The following ENTREP2 variants were observed in gnomAD, a reference collection of about 807,000 sequenced individuals.
ENTREP2 encodes the protein protein ENTREP2.
the ENTREP2 span, among the ~76,000 whole-genome samples, chr15:29,363,826 C>G: frequency 3.9e-5 from 6 of 152,274 alleles, no homozygotes; most frequent in East Asian, 1.2e-3. Context: ...GCTGGTTTCT[C>G]TAATAGGGCT....
chr15:29,602,253 T>C, the ENTREP2 span, among the ~76,000 whole-genome samples: 1 of 152,180 alleles, frequency 6.6e-6, no homozygotes, highest in Admixed American at 6.5e-5. Context: ...TACAGTACCT[T>C]GTGTATGAAA....
At chr15:29,359,452 C>G in the ENTREP2 span, among the ~76,000 whole-genome samples, 2 of 152,148 alleles carry the variant, frequency 1.3e-5, no homozygotes, top group African/African-American at 2.4e-5. Flanking sequence ...TTGCTCTGTC[C>G]CCCAGGCTGG....
At chr15:29,279,141 G>A in the ENTREP2 span, among the ~76,000 whole-genome samples, 3 of 152,280 alleles carry the variant, frequency 2.0e-5, no homozygotes, top group Non-Finnish European at 4.4e-5. Flanking sequence ...GTAAGTCTGA[G>A]GTTGAGTCTT....
At chr15:29,294,941 A>G in the ENTREP2 span, among the ~76,000 whole-genome samples, 1 of 152,182 alleles carries the variant, frequency 6.6e-6, no homozygotes, top group Non-Finnish European at 1.5e-5. Flanking sequence ...CCAAGCCGCC[A>G]GTCTCCTGCT....
At chr15:29,658,130 G>T in the ENTREP2 span, among the ~76,000 whole-genome samples, 1 of 152,078 alleles carries the variant, frequency 6.6e-6, no homozygotes. Context: ...ACATGTCTTG[G>T]GGGGGACCAG....
chr15:29,662,964 C>T, the ENTREP2 span, among the ~76,000 whole-genome samples: 201 of 151,948 alleles, frequency 1.3e-3, no homozygotes, highest in Non-Finnish European at 2.0e-3. Flanking sequence ...CCGCCCGCCT[C>T]GGCCTCCCAA....
the ENTREP2 span, among the ~76,000 whole-genome samples, chr15:29,589,699 T>C: frequency 6.6e-6 from 1 of 152,194 alleles, no homozygotes; most frequent in African/African-American, 2.4e-5. Flanking sequence ...GTCAACTCTA[T>C]TCCTTCCAGA....
chr15:29,316,621 C>G, the ENTREP2 span, among the ~76,000 whole-genome samples: 13,504 of 152,158 alleles, frequency 0.089, 1,983 homozygotes, highest in African/African-American at 0.31. Flanking sequence ...GTACTGATGA[C>G]GCAAGAATGT....
At chr15:29,410,471 C>T in the ENTREP2 span, among the ~76,000 whole-genome samples, 20 of 151,840 alleles carry the variant, frequency 1.3e-4, no homozygotes, top group African/African-American at 4.8e-4. Flanking sequence ...CGACGGGTCT[C>T]GGGGAGGCAA....
the ENTREP2 span, among the ~76,000 whole-genome samples, chr15:29,135,382 G>A: frequency 7.6e-4 from 116 of 152,186 alleles, no homozygotes; most frequent in African/African-American, 5.8e-4. The surrounding 1 kb of genome is among the most constrained non-coding windows in gnomAD (Gnocchi z 7.4). Context: ...GTGAGCTGTC[G>A]ATTTGGTCTA....
At chr15:29,402,168 A>G in the ENTREP2 span, among the ~76,000 whole-genome samples, 2 of 152,030 alleles carry the variant, frequency 1.3e-5, no homozygotes, top group Admixed American at 6.6e-5. Flanking sequence ...GAAACTGGAA[A>G]CAACCGAGGT....
chr15:29,358,551 T>C, the ENTREP2 span, among the ~76,000 whole-genome samples: 2 of 152,196 alleles, frequency 1.3e-5, no homozygotes, highest in African/African-American at 4.8e-5. Flanking sequence ...GCCTGCTTCA[T>C]AGCAATACAT....
At chr15:29,535,438 C>T in the ENTREP2 span, among the ~76,000 whole-genome samples, 2 of 152,016 alleles carry the variant, frequency 1.3e-5, no homozygotes, top group East Asian at 1.9e-4. Context: ...AATCCCACAA[C>T]TTTGGGAGGC....
the ENTREP2 span, among the ~76,000 whole-genome samples, chr15:29,455,037 G>A: frequency 3.3e-5 from 5 of 152,194 alleles, no homozygotes; most frequent in Non-Finnish European, 5.9e-5. Context: ...GCTTGACTGT[G>A]TGATTTGCTC....
At chr15:29,654,816 T>C in the ENTREP2 span, among the ~76,000 whole-genome samples, 1 of 152,194 alleles carries the variant, frequency 6.6e-6, no homozygotes, top group Non-Finnish European at 1.5e-5. Context: ...GATATTTGTG[T>C]CCTGACTAAT....
At chr15:29,295,226 CCCTCA>C in the ENTREP2 span, among the ~76,000 whole-genome samples, 15 of 152,246 alleles carry the variant, frequency 9.9e-5, no homozygotes, top group African/African-American at 3.6e-4. Flanking sequence ...AATGCTGCCT[CCCTCA>C]AAGCATGAAG....
chr15:29,523,711 A>G, the ENTREP2 span, among the ~76,000 whole-genome samples: 2 of 152,048 alleles, frequency 1.3e-5, no homozygotes, highest in Non-Finnish European at 2.9e-5. Context: ...AACTTACTAC[A>G]AAGCTACTGT....
At chr15:29,149,722 T>A in the ENTREP2 span, among the ~76,000 whole-genome samples, 1 of 152,142 alleles carries the variant, frequency 6.6e-6, no homozygotes, top group African/African-American at 2.4e-5. Context: ...ACCCTCTGAA[T>A]CCACAGGGAA....
chr15:29,195,517 ATATT>A, the ENTREP2 span, among the ~76,000 whole-genome samples: 2 of 151,924 alleles, frequency 1.3e-5, no homozygotes, highest in Admixed American at 1.3e-4. Flanking sequence ...ACATCTTTTT[ATATT>A]TATTTATCCA....
Sources: gnomAD v4.1 joint callset for allele counts (sites outside exome capture counted in the v4.1 genomes callset) on GRCh38, gnomAD v4.1.1 for gene constraint, Gnocchi (gnomAD v3.1) non-coding constraint, MANE v1.5 for transcripts, NCBI Gene and HGNC (gene_info 2026-07-23, HGNC 2026-07-21) for gene names.